VRK1: variants seen among roughly 807,000 people sequenced by gnomAD.
VRK1 encodes the protein serine/threonine-protein kinase VRK1.
In VRK1, 33 loss-of-function variants were observed where a neutral mutation model predicts 57.1. The observed-to-expected ratio is 0.58, with a 90% confidence interval of 0.44 to 0.77. The LOEUF (loss-of-function observed/expected upper bound fraction) is 0.77. Among genes scored for constraint, VRK1 ranks in the 30% least tolerant of loss-of-function variants. The pLI is 0.00. For synonymous variants in VRK1, 137 were observed against 147.8 expected (o/e 0.93, Z 0.53); for missense variants, 413 against 477.3 (o/e 0.87, Z 1.25).
chr14:96,808,012 T>TCTCTCTCTCTCTCTCTCC (rs1566683575), intron 1 of VRK1, among the ~76,000 whole-genome samples: 3 of 113,772 alleles, frequency 2.6e-5, no homozygotes, highest in African/African-American at 3.7e-5. Flanking sequence ...CCTCTCTCTC[T>TCTCTCTCTCTCTCTCTCC]CCCTCTGTGT....
intron 2 of VRK1, among the ~76,000 whole-genome samples, chr14:96,836,799 G>A (rs1051154890): frequency 1.3e-5 from 2 of 152,068 alleles, no homozygotes; most frequent in Non-Finnish European, 2.9e-5. Flanking sequence ...AAAGTGCTGG[G>A]ATTACAAGTG....
intron 1 of VRK1, among the ~76,000 whole-genome samples, chr14:96,823,091 C>T (rs1296405295): frequency 1.3e-5 from 2 of 152,204 alleles, no homozygotes; most frequent in African/African-American, 4.8e-5. Context: ...TGACCATGAC[C>T]ACTCTGTTTC....
intron 11 of VRK1, among the ~76,000 whole-genome samples, chr14:96,866,361 C>T (rs561307120): frequency 3.9e-5 from 6 of 152,206 alleles, no homozygotes; most frequent in Middle Eastern, 3.4e-3. Context: ...TCTCTGCCTA[C>T]CCAGAAGAAG....
intron 1 of VRK1, among the ~76,000 whole-genome samples, chr14:96,812,549 T>G (rs532603624): frequency 7.9e-4 from 121 of 152,362 alleles, no homozygotes; most frequent in African/African-American, 2.7e-3. Context: ...TTTATCTGTT[T>G]TGGAGAAATG....
chr14:96,856,917 G>A lies in VRK1; in HGVS notation c.889+331G>A, dbSNP rs1319573258. ...CGGGAGGCGGAGGTTGCAGTGAGCCGAGATTGTGCCACTGCACACCAGCCT... is the reference window on the plus strand; with the variant it reads ...CGGGAGGCGGAGGTTGCAGTGAGCCAAGATTGTGCCACTGCACACCAGCCT... On this transcript the variant is annotated intron_variant, in intron 10 of 12. Coordinates refer to ENST00000216639, the MANE Select transcript of VRK1 (RefSeq NM_003384.3). Among the ~76,000 whole-genome samples, 14 of 152,190 alleles carry A rather than the reference G, an allele frequency of 9.2e-5. 1 individual carries two copies. The highest frequency in any genetic ancestry group is 3.1e-4 in the African/African-American group (13 of 41,542).
chr14:96,839,085 T>G (rs987715730), intron 3 of VRK1, among the ~76,000 whole-genome samples: 1 of 82,900 alleles, frequency 1.2e-5, no homozygotes, highest in Non-Finnish European at 2.9e-5. Context: ...TTGTCTTGAG[T>G]TTTTTTTTTT....
At chr14:96,824,559 AT>A (rs1283650152) in intron 1 of VRK1, among the ~76,000 whole-genome samples, 1 of 152,102 alleles carries the variant, frequency 6.6e-6, no homozygotes, top group Non-Finnish European at 1.5e-5. Context: ...GAAAGGAAAT[AT>A]TGGCAAGTAC....
In VRK1 at chr14:96,847,286, A is replaced by C; in HGVS notation, c.316A>C (p.Lys106Gln). 6.2e-7 allele frequency: 1 copy of C among 1,613,756 alleles called. No individual in the cohort carries two copies. Among genetic ancestry groups the C allele is most frequent in the Non-Finnish European group, 8.5e-7 (1 of 1,179,748 alleles). Residue 106 changes from lysine to glutamine, a missense_variant, in exon 5 of 13, where the codon AAG becomes CAG. Lys to Gln is a moderately conservative substitution (Grantham distance 53). This residue lies in a region of VRK1 where 151 missense variants were observed against 225.5 expected (regional missense o/e 0.67). Coordinates refer to ENST00000216639, the MANE Select transcript of VRK1 (RefSeq NM_003384.3). ...GAAATGGATTCGTACCCGTAAGCTGAAGTACCTGGGTGTTCCTAAGTATTG... is the reference window on the plus strand; with the variant it reads ...GAAATGGATTCGTACCCGTAAGCTGCAGTACCTGGGTGTTCCTAAGTATTG... ...IQKWIRTRKL[K>Q]YLGVPKYWGS...
At chr14:96,814,066 A>G (rs1048715108) in intron 1 of VRK1, among the ~76,000 whole-genome samples, 3 of 152,180 alleles carry the variant, frequency 2.0e-5, no homozygotes, top group Non-Finnish European at 4.4e-5. Flanking sequence ...TAGTTCATTT[A>G]TACATAAGAG....
intron 3 of VRK1, 85 bp downstream of exon 3, chr14:96,837,902 T>A: frequency 1.1e-6 from 1 of 873,156 alleles, no homozygotes; most frequent in Non-Finnish European, 1.7e-6. Flanking sequence ...TAACTAGAAT[T>A]AATTAAACCA....
intron 5 of VRK1, 99 bp downstream of exon 5, chr14:96,847,443 C>G: frequency 1.1e-6 from 1 of 900,966 alleles, no homozygotes; most frequent in Non-Finnish European, 1.8e-6. Flanking sequence ...TACAATATTA[C>G]TAGGCCTCCC....
intron 2 of VRK1, among the ~76,000 whole-genome samples, chr14:96,835,280 G>A (rs978819989): frequency 8.5e-5 from 13 of 152,112 alleles, no homozygotes; most frequent in Non-Finnish European, 2.9e-5. Context: ...TTTCTTTTCT[G>A]TAGCATTTGA....
intron 11 of VRK1, among the ~76,000 whole-genome samples, chr14:96,869,393 A>G (rs949546640): frequency 6.6e-6 from 1 of 152,210 alleles, no homozygotes; most frequent in Non-Finnish European, 1.5e-5. Context: ...TTAGATCTTT[A>G]AAAGTTCAGT....
Position 96,864,638 on chromosome 14 carries a change from G to A in VRK1, c.1068+3903G>A, listed in dbSNP as rs567884533. The stretch of plus-strand genomic sequence containing the variant: ...GTCTGTACGTACTGGGGTTGCTGCA[G>A]CCTAGGGCTTACTTATGTTGAGGGT... On this transcript the variant is annotated intron_variant, in intron 11 of 12. Transcript: ENST00000216639. Among the ~76,000 whole-genome samples, 5 of 152,206 alleles carry A rather than the reference G, an allele frequency of 3.3e-5. No homozygotes were observed. In the South Asian group the frequency reaches 8.3e-4, roughly 25 times the overall value.
intron 7 of VRK1, among the ~76,000 whole-genome samples, chr14:96,854,919 T>C (rs1418717465): frequency 6.6e-6 from 1 of 152,192 alleles, no homozygotes; most frequent in Admixed American, 6.5e-5. Context: ...AAATGTATAA[T>C]TTTCGTTCAA....
chr14:96,801,322 GTCA>G (rs1885654243), intron 1 of VRK1, among the ~76,000 whole-genome samples: 1 of 152,278 alleles, frequency 6.6e-6, no homozygotes, highest in South Asian at 2.1e-4. Flanking sequence ...CTAAAGAAAA[GTCA>G]TCATTTGATG....
At chr14:96,858,708 C>G (rs887551297) in intron 10 of VRK1, among the ~76,000 whole-genome samples, 1 of 151,550 alleles carries the variant, frequency 6.6e-6, no homozygotes, top group African/African-American at 2.4e-5. Flanking sequence ...GATCTGTGCA[C>G]CTGTTTCTGG....
At chr14:96,836,264 G>A (rs998951394) in intron 2 of VRK1, among the ~76,000 whole-genome samples, 4 of 151,844 alleles carry the variant, frequency 2.6e-5, no homozygotes, top group African/African-American at 9.7e-5. Context: ...TCTGCCCCTT[G>A]CCCCTATACT....
At chr14:96,865,375 T>C (rs1433309179) in intron 11 of VRK1, among the ~76,000 whole-genome samples, 55 of 152,214 alleles carry the variant, frequency 3.6e-4, no homozygotes, top group Admixed American at 3.6e-3. Flanking sequence ...TACCCTATTC[T>C]GTACCATTGG....
Sources: allele counts gnomAD v4.1 joint callset (sites outside exome capture counted in the v4.1 genomes callset), GRCh38; gene constraint gnomAD v4.1.1; regional missense constraint gnomAD v4.1.1; transcripts MANE v1.5; gene names NCBI Gene and HGNC (gene_info 2026-07-23, HGNC 2026-07-21).